DHX37: variants seen among roughly 807,000 people sequenced by gnomAD.
The protein encoded by DHX37 is DEAH-box helicase 37, also known as probable ATP-dependent RNA helicase DHX37.
Under a neutral mutation model 134.3 loss-of-function variants are expected in DHX37, and 52 were observed. That is an observed-to-expected ratio of 0.39 (90% CI 0.31 to 0.49). The LOEUF (loss-of-function observed/expected upper bound fraction) is 0.49. Ranked by LOEUF, DHX37 falls within the 20% of genes least tolerant of loss-of-function variation. The pLI is 0.93. For missense variants in DHX37, 1,344 were observed against 1,580.8 expected, an observed-to-expected ratio of 0.85 and a Z score of 2.54; for synonymous variants, 634 against 670.7, an observed-to-expected ratio of 0.95 and a Z score of 0.85.
chr12:124,950,751 TTTGAAAAGGACGGAGCTG>T lies in DHX37; in HGVS notation c.2904_2921del (p.Ser969_Lys974del). The T allele has an allele frequency of 1.2e-6, 2 of 1,609,722 alleles. No homozygotes were observed. The highest frequency in any genetic ancestry group is 1.7e-6 in the Non-Finnish European group (2 of 1,178,884). On this transcript the variant is annotated inframe_deletion, in exon 22 of 27. Coordinates refer to ENST00000308736, the MANE Select transcript of DHX37 (RefSeq NM_032656.4). ...GGTAGACCACAAACTCGGGGAGCTC[TTTGAAAAGGACGGAGCTG>T]GGGTGGATGAAGACAGGGTCGTCGA... is the stretch of plus-strand genomic sequence containing the variant.
At chr12:124,958,765 A>T (rs575994077) in intron 16 of DHX37, among the ~76,000 whole-genome samples, 27 of 150,784 alleles carry the variant, frequency 1.8e-4, no homozygotes, top group Admixed American at 1.8e-3. Flanking sequence ...AGCTGGAACT[A>T]CAGGTGCCCA....
intron 17 of DHX37, 52 bp from the exon 18 acceptor site, chr12:124,956,931 A>G: frequency 6.5e-7 from 1 of 1,545,256 alleles, no homozygotes; most frequent in Non-Finnish European, 8.8e-7. Flanking sequence ...CTGGAGCCAC[A>G]GCTGGGAGGC....
chr12:124,950,946 A>G, intron 21 of DHX37, 142 bp from the exon 22 acceptor site: 2 of 1,241,452 alleles, frequency 1.6e-6, no homozygotes, highest in Non-Finnish European at 2.1e-6. Context: ...AATGCGGCCC[A>G]TCCACACGCT....
chr12:124,961,294 G>T (rs28643481), intron 15 of DHX37, among the ~76,000 whole-genome samples: 1 of 140,130 alleles, frequency 7.1e-6, no homozygotes, highest in East Asian at 2.1e-4. Context: ...ACACTTACAC[G>T]CGTGCACGCA....
At chr12:124,985,564 G>A (rs527759453) in intron 2 of DHX37, among the ~76,000 whole-genome samples, 239 of 131,988 alleles carry the variant, frequency 1.8e-3, no homozygotes, top group Non-Finnish European at 2.8e-3. Context: ...ATGAAACCCC[G>A]CCTCTACTAA....
intron 8 of DHX37, among the ~76,000 whole-genome samples, chr12:124,970,536 C>G (rs922449250): frequency 6.6e-6 from 1 of 152,162 alleles, no homozygotes; most frequent in Non-Finnish European, 1.5e-5. Flanking sequence ...CCTCATTCAG[C>G]CTTCCACTTG....
At chr12:124,953,707 C>T (rs962396154) in intron 20 of DHX37, 173 bp downstream of exon 20, 8 of 1,174,212 alleles carry the variant, frequency 6.8e-6, no homozygotes, top group African/African-American at 4.6e-5. Flanking sequence ...TGCTCATGTG[C>T]ACATTCCCTT....
chr12:124,961,124 T>C (rs1954231131), intron 15 of DHX37, among the ~76,000 whole-genome samples: 1 of 152,252 alleles, frequency 6.6e-6, no homozygotes, highest in African/African-American at 2.4e-5. Context: ...GCAATAAAGC[T>C]ATTTATTACA....
intron 2 of DHX37, among the ~76,000 whole-genome samples, chr12:124,985,626 A>C (rs1321531522): frequency 6.6e-6 from 1 of 151,322 alleles, no homozygotes; most frequent in African/African-American, 2.4e-5. Context: ...ACGCGCCTGT[A>C]ATCCCAGCTA....
At position 124,950,749 on chromosome 12, in the gene DHX37, T is replaced by G. The variant is rs1953962179; in HGVS notation, c.2924A>C (p.Glu975Ala). Residue 975 changes from glutamate to alanine, a missense_variant, in exon 22 of 27, where the codon GAG becomes GCG. Transcript: ENST00000308736. Reference sequence around the variant, plus strand: ...CTGGTAGACCACAAACTCGGGGAGCTCTTTGAAAAGGACGGAGCTGGGGTG... The same window carrying G: ...CTGGTAGACCACAAACTCGGGGAGCGCTTTGAAAAGGACGGAGCTGGGGTG... ...FIHPSSVLFK[E>A]LPEFVVYQEI... 3 of 1,609,468 alleles carry G rather than the reference T, an allele frequency of 1.9e-6. No homozygotes were observed. In the East Asian group the frequency reaches 6.7e-5, roughly 36 times the overall value.
At chr12:124,973,464 A>T (rs1164935968) in intron 6 of DHX37, among the ~76,000 whole-genome samples, 1 of 151,420 alleles carries the variant, frequency 6.6e-6, no homozygotes, top group African/African-American at 2.4e-5. Context: ...AATATTGAGG[A>T]TAAAATAAGA....
intron 11 of DHX37, 106 bp from the exon 12 acceptor site, chr12:124,966,984 T>G: frequency 6.4e-7 from 1 of 1,553,034 alleles, no homozygotes; most frequent in Non-Finnish European, 8.9e-7. Context: ...GGCCATTTAT[T>G]CGGGGGTGAG....
At chr12:124,966,940 C>A in intron 11 of DHX37, 62 bp from the exon 12 acceptor site, 1 of 1,605,062 alleles carries the variant, frequency 6.2e-7, no homozygotes, top group Non-Finnish European at 8.5e-7. Flanking sequence ...CAGCACACTG[C>A]CCTTTGTTGT....
At chr12:124,951,577 T>C (rs550734281) in intron 21 of DHX37, among the ~76,000 whole-genome samples, 2 of 152,328 alleles carry the variant, frequency 1.3e-5, no homozygotes, top group African/African-American at 4.8e-5. Flanking sequence ...TAAAACCCAC[T>C]GAATTGAACA....
At chr12:124,976,692 T>C (rs974417333) in intron 5 of DHX37, among the ~76,000 whole-genome samples, 17 of 151,396 alleles carry the variant, frequency 1.1e-4, no homozygotes, top group African/African-American at 3.6e-4. Context: ...TAGCTGGGCG[T>C]GGTGGTGGGC....
At position 124,950,472 on chromosome 12, in the gene DHX37, G is replaced by A. The variant is rs1353194025; in HGVS notation, c.3062C>T (p.Pro1021Leu). Residue 1021 changes from proline (P) to leucine (L), a missense_variant, in exon 23 of 27, where the codon CCA becomes CTA. Around this residue, in one of 7 missense-constraint regions of DHX37, gnomAD observed 558 missense variants for 650.0 expected, o/e 0.86. Coordinates refer to ENST00000308736, the MANE Select transcript of DHX37 (RefSeq NM_032656.4). The stretch of plus-strand genomic sequence containing the variant: ...CCGCTCGGGGCAGTATGTAGGGGCT[G>A]GTTCCTCCAGGGGCTTGTCAAACTG... ...YCQFDKPLEE[P>L]APTYCPERGR... 3 of 1,584,086 alleles carry A rather than the reference G, an allele frequency of 1.9e-6. No individual in the cohort carries two copies. The African/African-American group carries it at 4.1e-5, about 21-fold the overall frequency.
At position 124,987,923 on chromosome 12, in the gene DHX37, G is replaced by C. The variant is rs917506138; in HGVS notation, c.106+994C>G. Among the ~76,000 whole-genome samples, 5 of 150,712 alleles carry C rather than the reference G, an allele frequency of 3.3e-5. No homozygotes were observed. In the South Asian group the frequency reaches 8.4e-4, roughly 25 times the overall value. On this transcript the variant is annotated intron_variant, in intron 1 of 26. Transcript: ENST00000308736. ...CGTGTGCTACTGGTCCCATTCTGCA[G>C]ATGTGAAAACGAAGGCACAGAGATG...
chr12:124,965,828 C>A lies in DHX37; in HGVS notation c.1591-16G>T. The A allele has an allele frequency of 6.2e-7, 1 of 1,611,198 alleles. No homozygotes were observed. The highest frequency in any genetic ancestry group is 8.5e-7 in the Non-Finnish European group (1 of 1,178,338). On this transcript the variant is annotated splice_polypyrimidine_tract_variant and intron_variant, in intron 12 of 26. Transcript: ENST00000308736. ...GGGGCAGCACCTACGGCGAACAAGA[C>A]ATAGACACCTGGGCTGCAGGGATCC...
chr12:124,955,641 C>T (rs769959516), intron 18 of DHX37, among the ~76,000 whole-genome samples: 5 of 152,230 alleles, frequency 3.3e-5, no homozygotes, highest in Admixed American at 6.5e-5. Context: ...GATGCACTGA[C>T]CCTGAAAAGA....
Sources: gnomAD v4.1 joint callset for allele counts (sites outside exome capture counted in the v4.1 genomes callset) on GRCh38, gnomAD v4.1.1 for gene constraint, gnomAD v4.1.1 regional missense constraint, MANE v1.5 for transcripts, NCBI Gene and HGNC (gene_info 2026-07-23, HGNC 2026-07-21) for gene names.